SEMA5A: variants seen among roughly 807,000 people sequenced by gnomAD.
The protein encoded by SEMA5A is semaphorin 5A, also known as semaphorin-5A.
In SEMA5A, 55 loss-of-function variants were observed where a neutral mutation model predicts 135.5. The observed-to-expected ratio is 0.41, with a 90% CI of 0.33 to 0.51. The LOEUF (loss-of-function observed/expected upper bound fraction) is 0.51, where lower values mean the gene tolerates loss of function less well. Among genes scored for constraint, SEMA5A ranks in the 20% least tolerant of loss-of-function variants. The pLI, the probability that SEMA5A is intolerant of heterozygous loss-of-function variation, is 0.37. For missense variants in SEMA5A, 1,290 were observed against 1,419.9 expected, an observed-to-expected ratio of 0.91 and a Z score of 1.47; for synonymous variants, 580 against 546.5, an observed-to-expected ratio of 1.06 and a Z score of -0.85.
chr5:9,208,680 G>A (rs866055724), intron 8 of SEMA5A, among the ~76,000 whole-genome samples: 3 of 152,206 alleles, frequency 2.0e-5, no homozygotes, highest in Admixed American at 1.3e-4. Flanking sequence ...TGAAGCCACA[G>A]TCAGGATCAA....
chr5:9,090,008 G>C (rs1259712559), intron 16 of SEMA5A, among the ~76,000 whole-genome samples: 1 of 152,072 alleles, frequency 6.6e-6, no homozygotes, highest in Non-Finnish European at 1.5e-5. Flanking sequence ...ATAAATATAA[G>C]TGAAATGTAA....
chr5:9,243,773 C>T (rs986535317), intron 5 of SEMA5A, among the ~76,000 whole-genome samples: 2 of 152,060 alleles, frequency 1.3e-5, no homozygotes, highest in Admixed American at 1.3e-4. Flanking sequence ...AGTGGCAGCC[C>T]CAGGATTGGC....
chr5:9,296,656 T>A (rs527710671), intron 5 of SEMA5A, among the ~76,000 whole-genome samples: 2 of 152,118 alleles, frequency 1.3e-5, no homozygotes, highest in Non-Finnish European at 2.9e-5. Context: ...CAAAAAGGAA[T>A]CTTCATTTAA....
chr5:9,504,005 A>C (rs1024864577), intron 1 of SEMA5A, among the ~76,000 whole-genome samples: 4 of 152,036 alleles, frequency 2.6e-5, no homozygotes, highest in Non-Finnish European at 4.4e-5. Context: ...TCACAAGGTC[A>C]GGGATTTGAG....
chr5:9,395,776 A>G (rs1756368031), intron 2 of SEMA5A, among the ~76,000 whole-genome samples: 1 of 152,196 alleles, frequency 6.6e-6, no homozygotes, highest in Non-Finnish European at 1.5e-5. Context: ...TGAGTAGATG[A>G]AAGTGATGTG....
intron 15 of SEMA5A, among the ~76,000 whole-genome samples, chr5:9,112,488 T>C (rs990099360): frequency 6.6e-6 from 1 of 152,210 alleles, no homozygotes; most frequent in Non-Finnish European, 1.5e-5. Context: ...TACTGGGCCA[T>C]ACTGCTATAA....
chr5:9,042,773 G>C lies in SEMA5A; in HGVS notation c.*124C>G. Reference sequence around the variant, plus strand: ...TTTTTGGCAGCAATGGGACACTCTGGTGGCTTGAAATGCACTTGAAATGTA... The same window carrying C: ...TTTTTGGCAGCAATGGGACACTCTGCTGGCTTGAAATGCACTTGAAATGTA... On this transcript the variant is annotated 3_prime_UTR_variant, in exon 23 of 23. Transcript: ENST00000382496. The C allele has an allele frequency of 8.3e-7, 1 of 1,200,676 alleles. No individual in the cohort carries two copies. The highest frequency in any genetic ancestry group is 1.4e-5 in the South Asian group (1 of 73,456). The allele number at this position is 1,200,676 out of a possible 1,614,324, so 74.4% of individuals were successfully genotyped here.
intron 19 of SEMA5A, among the ~76,000 whole-genome samples, chr5:9,052,230 C>T (rs1332636029): frequency 6.6e-6 from 1 of 152,126 alleles, no homozygotes; most frequent in African/African-American, 2.4e-5. Context: ...ATAAAAGTGC[C>T]TGCGCTGTTA....
At chr5:9,164,589 G>T (rs1743503243) in intron 11 of SEMA5A, among the ~76,000 whole-genome samples, 3 of 151,972 alleles carry the variant, frequency 2.0e-5, no homozygotes, top group Admixed American at 2.0e-4. Context: ...ATCTAGAAAA[G>T]TCGCAGGGAA....
chr5:9,486,196 T>C (rs1313863159), intron 1 of SEMA5A, among the ~76,000 whole-genome samples: 1 of 152,050 alleles, frequency 6.6e-6, no homozygotes, highest in Non-Finnish European at 1.5e-5. Context: ...CACATGTTCT[T>C]ACTCATAAGT....
intron 2 of SEMA5A, among the ~76,000 whole-genome samples, chr5:9,429,178 T>G (rs11951666): frequency 0.15 from 23,216 of 152,048 alleles, 1,851 homozygotes; most frequent in South Asian, 0.18. Context: ...CACTGAACAA[T>G]GTGGGGGAAA....
chr5:9,278,663 C>A (rs1449079341), intron 5 of SEMA5A, among the ~76,000 whole-genome samples: 1 of 152,216 alleles, frequency 6.6e-6, no homozygotes, highest in Non-Finnish European at 1.5e-5. Context: ...CTGCTCTGTG[C>A]AGCCTCAGAA....
intron 5 of SEMA5A, among the ~76,000 whole-genome samples, chr5:9,297,325 T>G (rs1212706361): frequency 6.6e-6 from 1 of 152,136 alleles, no homozygotes; most frequent in East Asian, 1.9e-4. Context: ...CTGTGTCCTC[T>G]GAGAAATTCA....
chr5:9,456,330 C>G (rs1758833916), intron 1 of SEMA5A, among the ~76,000 whole-genome samples: 1 of 152,226 alleles, frequency 6.6e-6, no homozygotes, highest in South Asian at 2.1e-4. Flanking sequence ...TCTGTAAAGA[C>G]AAGCGTCTGG....
intron 5 of SEMA5A, among the ~76,000 whole-genome samples, chr5:9,263,098 G>A (rs191750996): frequency 2.3e-3 from 351 of 150,582 alleles, no homozygotes; most frequent in Non-Finnish European, 3.5e-3. Context: ...AGAATATTAG[G>A]TTGTTTATTG....
chr5:9,201,895 C>A, intron 9 of SEMA5A, 60 bp downstream of exon 9: 1 of 1,494,850 alleles, frequency 6.7e-7, no homozygotes, highest in Non-Finnish European at 9.1e-7. Context: ...GGTCAAAGAA[C>A]AGAAGACTTA....
chr5:9,078,295 T>C (rs991444937), intron 16 of SEMA5A, among the ~76,000 whole-genome samples: 1 of 152,260 alleles, frequency 6.6e-6, no homozygotes, highest in Non-Finnish European at 1.5e-5. Context: ...CTTTTATTTC[T>C]AATCTTCCAT....
At position 9,063,077 on chromosome 5, in the gene SEMA5A, C is replaced by A. The variant is rs142331748; in HGVS notation, c.2328G>T (p.Gly776=). 1.1e-4 allele frequency: 174 copies of A among 1,613,824 alleles called. 1 individual carries two copies. Among genetic ancestry groups the A allele is most frequent in the Admixed American group, 9.3e-4 (56 of 59,980 alleles). ...CGTTGACCGTGTGGGCAGAGTATCT[C>A]CCAGCACGCAGGAAATCCCCAGAAA... ...DGLSGDFLRA[G]RYSAHTVNGA... is the part of the protein sequence containing the mutation. Residue 776 remains glycine (G), a synonymous_variant, in exon 18 of 23, where the codon GGG becomes GGT. Transcript: ENST00000382496.
intron 15 of SEMA5A, among the ~76,000 whole-genome samples, chr5:9,117,374 G>A (rs1481452412): frequency 6.6e-6 from 1 of 152,142 alleles, no homozygotes; most frequent in African/African-American, 2.4e-5. Flanking sequence ...GGCTATACAG[G>A]TTGAGCATCC....
Sources: gnomAD v4.1 joint callset for allele counts (sites outside exome capture counted in the v4.1 genomes callset) on GRCh38, gnomAD v4.1.1 for gene constraint, MANE v1.5 for transcripts, NCBI Gene and HGNC (gene_info 2026-07-23, HGNC 2026-07-21) for gene names.